The following NOX1 variants were observed in gnomAD, a reference collection of about 807,000 sequenced individuals.
NOX1 encodes NADPH oxidase 1.
Under a neutral mutation model 42.5 loss-of-function variants are expected in NOX1, and 34 were observed. That is an observed-to-expected ratio of 0.80 (90% CI 0.61 to 1.07). NOX1 has a LOEUF of 1.07. Ranked by LOEUF, NOX1 falls within the 50% of genes least tolerant of loss-of-function variation. NOX1 has a pLI of 0.00. For missense variants in NOX1, 408 were observed against 427.0 expected (o/e 0.96, Z 0.39); for synonymous variants, 143 against 152.5 (o/e 0.94, Z 0.46).
chrX:100,874,046 G>A (rs754684856), intron 1 of NOX1, 49 bp downstream of exon 1: 2 of 919,408 alleles, frequency 2.2e-6, no homozygotes, highest in Admixed American at 4.8e-5. Flanking sequence ...TAAAAAACAT[G>A]ATTTCTCCTT....
chrX:100,872,997 C>G (rs1370336917), intron 1 of NOX1, among the ~76,000 whole-genome samples: 1 of 103,238 alleles, frequency 9.7e-6, no homozygotes, highest in Non-Finnish European at 2.0e-5. Context: ...ACAAACAACC[C>G]TCCAGGGAAA....
In NOX1 at chrX:100,851,306, G is replaced by T; in HGVS notation, c.824C>A (p.Ala275Glu). 1 of 1,179,873 alleles carries T rather than the reference G, an allele frequency of 8.5e-7. No homozygotes were observed. Among genetic ancestry groups the T allele is most frequent in the Non-Finnish European group, 1.1e-6 (1 of 871,387 alleles). Residue 275 changes from alanine (A) to glutamate (E), a missense_variant, in exon 8 of 13, where the codon GCA becomes GAA. Transcript: ENST00000372966. ...TTCACAGATATAAAGAATGACCGGTGCAAGGATCCACTTCCAAGACTGCAC... is the reference window on the plus strand; with the variant it reads ...TTCACAGATATAAAGAATGACCGGTTCAAGGATCCACTTCCAAGACTGCAC... Reference protein sequence around the residue: ...HPPESWKWILAPVILYICERI... With the variant: ...HPPESWKWILEPVILYICERI...
chrX:100,853,278 CT>C (rs771499585), intron 7 of NOX1, among the ~76,000 whole-genome samples: 3 of 59,586 alleles, frequency 5.0e-5, no homozygotes, highest in Non-Finnish European at 9.6e-5. Context: ...TTCTTTCTTT[CT>C]TTCTTTCTTT....
At chrX:100,856,241 C>G (rs1352965926) in intron 7 of NOX1, 10 of 965,949 alleles carry the variant, frequency 1.0e-5, no homozygotes, top group Non-Finnish European at 1.3e-5. Context: ...GTTTGGATCT[C>G]TCATTACCAC....
At chrX:100,869,164 G>T (rs1267280420) in intron 2 of NOX1, among the ~76,000 whole-genome samples, 4 of 110,971 alleles carry the variant, frequency 3.6e-5, no homozygotes, top group Non-Finnish European at 7.5e-5. Context: ...GGTTCCATAT[G>T]AACTTTGAAG....
intron 7 of NOX1, chrX:100,855,645 G>A (rs1404342604): frequency 2.9e-6 from 3 of 1,022,437 alleles, no homozygotes; most frequent in Non-Finnish European, 4.1e-6. Flanking sequence ...GCCGCCTCCT[G>A]GATAACCACC....
At chrX:100,869,283 C>T (rs1284688799) in intron 2 of NOX1, among the ~76,000 whole-genome samples, 1 of 111,591 alleles carries the variant, frequency 9.0e-6, no homozygotes, top group Non-Finnish European at 1.9e-5. Flanking sequence ...TTGATTCTTC[C>T]TATCCATGAG....
In NOX1 at chrX:100,843,640, A is replaced by T. The variant is rs1218126004; in HGVS notation, c.*312T>A. On this transcript the variant is annotated 3_prime_UTR_variant, in exon 13 of 13. Coordinates refer to ENST00000372966, the MANE Select transcript of NOX1 (RefSeq NM_007052.5). ...GATAAAATCACCTGGGATTAGTTGT[A>T]TAACTCTGAACCACCAAACCTCTGC... is the stretch of plus-strand genomic sequence containing the variant. The T allele has an allele frequency of 8.7e-6, 4 of 457,462 alleles. No individual in the cohort carries two copies. Among genetic ancestry groups the T allele is most frequent in the Non-Finnish European group, 1.4e-5 (4 of 291,191 alleles). 37.7% of individuals were successfully genotyped at this position (457,462 alleles called of 1,213,427 possible).
Position 100,850,183 on chromosome X carries a change from C to T in NOX1, c.1101G>A (p.Arg367=), listed in dbSNP as rs1361910422. 1.7e-6 allele frequency: 2 copies of T among 1,209,255 alleles called. No individual in the cohort carries two copies. The highest frequency in any genetic ancestry group is 3.5e-5 in the African/African-American group (2 of 57,177). The stretch of plus-strand genomic sequence containing the variant: ...TTGGTGAATATTGTTGTTCGAAAGC[C>T]CTTATGAGATTTTCTGTCCAGTCCC... ...AAGDWTENLI[R]AFEQQYSPIP... is the part of the protein sequence containing the mutation. The change falls in exon 9 of 13, where the codon AGG becomes AGA. Residue 367 remains arginine (R), a synonymous_variant. Transcript: ENST00000372966.
chrX:100,849,833 G>T lies in NOX1; in HGVS notation c.1235C>A (p.Ser412Tyr). Residue 412 changes from serine to tyrosine, a missense_variant, in exon 10 of 13, where the codon TCT (serine) becomes TAT (tyrosine). Physicochemically the swap from Ser to Tyr is moderately radical, Grantham distance 144. Coordinates refer to ENST00000372966, the MANE Select transcript of NOX1 (RefSeq NM_007052.5). Reference protein sequence around the residue: ...GAGIGVTPFASILKSIWYKFQ... With the variant: ...GAGIGVTPFAYILKSIWYKFQ... ...TTTGTACCAGATGGATTTCAAGATAGAAGCAAAGGGGGTGACCCCAATTCC... is the reference window on the plus strand; with the variant it reads ...TTTGTACCAGATGGATTTCAAGATATAAGCAAAGGGGGTGACCCCAATTCC... 8.3e-7 allele frequency: 1 copy of T among 1,211,200 alleles called. No individual in the cohort carries two copies. Among genetic ancestry groups the T allele is most frequent in the Non-Finnish European group, 1.1e-6 (1 of 895,052 alleles).
At position 100,849,393 on chromosome X, in the gene NOX1, C is replaced by T. The variant is rs763553047; in HGVS notation, c.1330G>A (p.Ala444Thr). ...YFYWICRETG[A>T]FSWFNNLLTS... ...AACAGGTTGTTGAACCAGGAAAAGGCACCTGTCTCCCTGCAGATCCAGTAG... is the reference window on the plus strand; with the variant it reads ...AACAGGTTGTTGAACCAGGAAAAGGTACCTGTCTCCCTGCAGATCCAGTAG... The change falls in exon 11 of 13, where the codon GCC becomes ACC. Residue 444 changes from alanine to threonine, a missense_variant. Coordinates refer to ENST00000372966, the MANE Select transcript of NOX1 (RefSeq NM_007052.5). 2 of 1,209,331 alleles carry T rather than the reference C, an allele frequency of 1.7e-6. No homozygotes were observed. Among genetic ancestry groups the T allele is most frequent in the South Asian group, 3.5e-5 (2 of 56,724 alleles).
chrX:100,870,839 AAAG>A, intron 1 of NOX1, 25 bp from the exon 2 acceptor site: 1 of 970,071 alleles, frequency 1.0e-6, no homozygotes. Context: ...AAAAACATGC[AAAG>A]AATAAAGTGA....
Position 100,843,462 on chromosome X carries a change from A to T in NOX1, c.*490T>A. 1 of 1,097,671 alleles carries T rather than the reference A, an allele frequency of 9.1e-7. No homozygotes were observed. The highest frequency in any genetic ancestry group is 1.2e-6 in the Non-Finnish European group (1 of 844,812). The allele number at this position is 1,097,671 out of a possible 1,213,427, so 90.5% of individuals were successfully genotyped here. On this transcript the variant is annotated 3_prime_UTR_variant, in exon 13 of 13. Transcript: ENST00000372966. Reference sequence around the variant, plus strand: ...TTATATGGGGATGGGGTTCTCGGTAATTTTGTTTATTATTTATGTTTATTA... The same window carrying T: ...TTATATGGGGATGGGGTTCTCGGTATTTTTGTTTATTATTTATGTTTATTA...
chrX:100,865,629 T>C (rs1045498047), intron 2 of NOX1, among the ~76,000 whole-genome samples: 2 of 113,023 alleles, frequency 1.8e-5, no homozygotes, highest in African/African-American at 6.4e-5. Flanking sequence ...AATGTTTCAA[T>C]AAATTATGGC....
chrX:100,864,491 C>A (rs1467130131), intron 2 of NOX1, among the ~76,000 whole-genome samples: 2 of 111,727 alleles, frequency 1.8e-5, no homozygotes, highest in Non-Finnish European at 3.8e-5. Context: ...TCAAGACTAG[C>A]AAACCTCTTG....
At chrX:100,870,432 G>A (rs1181860447) in intron 2 of NOX1, among the ~76,000 whole-genome samples, 1 of 110,909 alleles carries the variant, frequency 9.0e-6, no homozygotes, top group Non-Finnish European at 1.9e-5. Flanking sequence ...GCCCTAGATG[G>A]GGTTATCAGA....
chrX:100,853,916 G>T (rs2085148650), intron 7 of NOX1, among the ~76,000 whole-genome samples: 1 of 112,217 alleles, frequency 8.9e-6, no homozygotes, highest in African/African-American at 3.2e-5. Flanking sequence ...GCCAAGGCAG[G>T]TGGATCACCT....
chrX:100,857,761 G>GT (rs2085177361), intron 7 of NOX1, among the ~76,000 whole-genome samples: 2 of 104,374 alleles, frequency 1.9e-5, no homozygotes, highest in African/African-American at 3.6e-5. Context: ...GATAATTTGT[G>GT]TTTTTTTGTT....
chrX:100,843,363 AAAT>A lies in NOX1; in HGVS notation c.*586_*588del, dbSNP rs1250798237. Reference sequence around the variant, plus strand: ...AAATCCTTTATTTTTTGATGAGCAAAAATAAGAATAAATTGCTGTTCACACTGG... The same window carrying A: ...AAATCCTTTATTTTTTGATGAGCAAAAAGAATAAATTGCTGTTCACACTGG... On this transcript the variant is annotated 3_prime_UTR_variant, in exon 13 of 13. Transcript: ENST00000372966. The A allele has an allele frequency of 1.9e-6, 2 of 1,069,394 alleles. No individual in the cohort carries two copies. The highest frequency in any genetic ancestry group is 3.7e-5 in the Admixed American group (1 of 27,310). 88.1% of individuals were successfully genotyped at this position (1,069,394 alleles called of 1,213,427 possible). A position where few individuals can be genotyped will look rare whatever the true frequency, so the allele number is the denominator to read the frequency against.
Sources: allele counts gnomAD v4.1 joint callset (sites outside exome capture counted in the v4.1 genomes callset), GRCh38; gene constraint gnomAD v4.1.1; transcripts MANE v1.5; gene names NCBI Gene and HGNC (gene_info 2026-07-23, HGNC 2026-07-21).